SCAF4: variants seen among roughly 807,000 people sequenced by gnomAD.
SCAF4 encodes the protein SR-related CTD associated factor 4, also known as SR-related and CTD-associated factor 4.
A neutral mutation model predicts 129.8 loss-of-function variants in SCAF4; 25 were observed. That is an observed-to-expected ratio of 0.19 (90% CI 0.14 to 0.27). The LOEUF is 0.27. Among genes scored for constraint, SCAF4 ranks in the 10% least tolerant of loss-of-function variants. The pLI is 1.00. For synonymous variants in SCAF4, 551 were observed against 497.7 expected (o/e 1.11, Z -1.43); for missense variants, 1,246 against 1,457.1 (o/e 0.86, Z 2.36).
chr21:31,678,125 G>A (rs2049905407), intron 19 of SCAF4, among the ~76,000 whole-genome samples: 1 of 152,150 alleles, frequency 6.6e-6, no homozygotes, highest in African/African-American at 2.4e-5. Flanking sequence ...GAAGATGCCA[G>A]AATTTGCAGC....
chr21:31,694,543 T>G (rs1284464816), intron 10 of SCAF4, among the ~76,000 whole-genome samples: 3 of 152,196 alleles, frequency 2.0e-5, no homozygotes, highest in Non-Finnish European at 4.4e-5. Context: ...TTAAATTACA[T>G]ACCATTTTAA....
intron 11 of SCAF4, 65 bp from the exon 12 acceptor site, chr21:31,693,549 T>C (rs1218872516): frequency 2.7e-6 from 3 of 1,093,742 alleles, no homozygotes; most frequent in East Asian, 2.8e-5. Flanking sequence ...TATAAGCACA[T>C]ACTAATTAAA....
At chr21:31,702,931 A>G (rs2050569718) in intron 4 of SCAF4, among the ~76,000 whole-genome samples, 1 of 152,180 alleles carries the variant, frequency 6.6e-6, no homozygotes, top group Admixed American at 6.5e-5. Flanking sequence ...TATGACACTG[A>G]AATTTATATG....
chr21:31,684,891 A>AAAACAAAC, intron 19 of SCAF4, 158 bp downstream of exon 19: 1 of 590,640 alleles, frequency 1.7e-6, no homozygotes, highest in Non-Finnish European at 3.0e-6. Flanking sequence ...ATCTTCCTCA[A>AAAACAAAC]AAACAAACAA....
At chr21:31,725,773 G>T (rs1336587308) in intron 1 of SCAF4, among the ~76,000 whole-genome samples, 2 of 152,132 alleles carry the variant, frequency 1.3e-5, no homozygotes, top group African/African-American at 4.8e-5. Flanking sequence ...GCAACAGACT[G>T]AATGAAAAAG....
At chr21:31,680,131 G>A (rs1298765266) in intron 19 of SCAF4, among the ~76,000 whole-genome samples, 4 of 152,182 alleles carry the variant, frequency 2.6e-5, no homozygotes, top group Admixed American at 2.6e-4. Context: ...ATGTCCCTCA[G>A]AGAGATTTAC....
intron 7 of SCAF4, among the ~76,000 whole-genome samples, chr21:31,699,573 G>C (rs1178331161): frequency 6.7e-6 from 1 of 150,326 alleles, no homozygotes; most frequent in East Asian, 2.0e-4. Context: ...TGTTTAATCA[G>C]TCATCACTCA....
rs1184969576 is a variant in SCAF4, at chr21:31,690,760, A to G, written c.1885+37T>C. On this transcript the variant is annotated intron_variant, in intron 15 of 19. Transcript: ENST00000286835. ...ATTTGTCATATGTACTACCAAGCAA[A>G]TAAGTGAACTGTAAGAGAAATTAAA... The G allele has an allele frequency of 4.4e-6, 7 of 1,583,836 alleles. No homozygotes were observed. In the East Asian group the frequency reaches 1.1e-4, roughly 25 times the overall value.
At chr21:31,688,546 TA>T (rs1380595358) in intron 15 of SCAF4, 82 bp from the exon 16 acceptor site, 2 of 1,182,214 alleles carry the variant, frequency 1.7e-6, no homozygotes, top group Non-Finnish European at 2.4e-6. Flanking sequence ...ATGTTGATTA[TA>T]AAAACCTAGC....
chr21:31,685,599 G>C lies in SCAF4; in HGVS notation c.2178C>G (p.Arg726=). The change falls in exon 17 of 20, where the codon CGC becomes CGG. Residue 726 remains arginine (R), a synonymous_variant. Coordinates refer to ENST00000286835, the MANE Select transcript of SCAF4 (RefSeq NM_020706.2). The part of the protein sequence containing the change: ...PPPPPPPPFL[R]PGFNPMHLPP... ...GTAAATGCATTGGGTTGAATCCTGGGCGCAAAAATGGTGGAGGAGGAGGGG... is the reference window on the plus strand; with the variant it reads ...GTAAATGCATTGGGTTGAATCCTGGCCGCAAAAATGGTGGAGGAGGAGGGG... 1.2e-6 allele frequency: 2 copies of C among 1,614,094 alleles called. No homozygotes were observed. Among genetic ancestry groups the C allele is most frequent in the Non-Finnish European group, 1.7e-6 (2 of 1,180,010 alleles).
intron 1 of SCAF4, among the ~76,000 whole-genome samples, chr21:31,717,834 T>C (rs1202369175): frequency 6.7e-4 from 62 of 93,206 alleles, no homozygotes; most frequent in African/African-American, 2.2e-3. Context: ...GCCATATATA[T>C]ATATATATAC....
rs777226746 is a variant in SCAF4, at chr21:31,671,834, T to A, written c.3009A>T (p.Arg1003Ser). The A allele has an allele frequency of 1.2e-6, 2 of 1,613,950 alleles. No homozygotes were observed. The highest frequency in any genetic ancestry group is 2.7e-5 in the African/African-American group (2 of 74,934). Residue 1003 changes from arginine (R) to serine (S), a missense_variant, in exon 20 of 20, where the codon AGA becomes AGT. Physicochemically the swap from Arg to Ser is moderately radical, Grantham distance 110 (BLOSUM62 -1). Around this residue, in one of 6 missense-constraint regions of SCAF4, gnomAD observed 339 missense variants for 325.0 expected, o/e 1.04. Transcript: ENST00000286835. ...CATTTTCCACCCTATTTCCAAAAGA[T>A]CTTCTTCCAAACCTTTCTTGGTCTC... ...SGRDQERFGRRSFGNRVENDR... is the reference protein window; with the variant it reads ...SGRDQERFGRSSFGNRVENDR...
chr21:31,715,530 C>A (rs945451913), intron 1 of SCAF4, among the ~76,000 whole-genome samples: 4 of 152,160 alleles, frequency 2.6e-5, no homozygotes, highest in African/African-American at 9.7e-5. Flanking sequence ...CATCTGAAAT[C>A]TTCAGGCTGC....
At chr21:31,700,247 ATAT>A (rs1426285467) in intron 7 of SCAF4, among the ~76,000 whole-genome samples, 2 of 150,016 alleles carry the variant, frequency 1.3e-5, no homozygotes, top group African/African-American at 4.9e-5. Flanking sequence ...TAATACCTAT[ATAT>A]TATTAATACA....
chr21:31,712,902 T>C, intron 1 of SCAF4: 1 of 965,526 alleles, frequency 1.0e-6, no homozygotes, highest in Non-Finnish European at 1.2e-6. Context: ...AATGAAAGCA[T>C]CTAAAATAAT....
At position 31,722,018 on chromosome 21, in the gene SCAF4, C is replaced by T. The variant is rs111815774; in HGVS notation, c.30+9645G>A. ...TACAGGCGTGAGCCACCACGCCTGG[C>T]CTGAGCACAGGCAATTCTAAAAAAC... On this transcript the variant is annotated intron_variant, in intron 1 of 19. Coordinates refer to ENST00000286835, the MANE Select transcript of SCAF4 (RefSeq NM_020706.2). Among the ~76,000 whole-genome samples the T allele has an allele frequency of 9.4e-3, 1,429 of 152,230 alleles. 27 individuals carry two copies. Among genetic ancestry groups the T allele is most frequent in the African/African-American group, 0.033 (1,355 of 41,526 alleles).
At chr21:31,706,684 G>C (rs2050671436) in intron 1 of SCAF4, 1 of 288,796 alleles carries the variant, frequency 3.5e-6, no homozygotes, top group Non-Finnish European at 6.5e-6. Flanking sequence ...GCTGAAAAAA[G>C]GCAGCAGAAG....
rs1237113144 is a variant in SCAF4 at position 31,722,343 on chromosome 21, C to T, written c.30+9320G>A. Among the ~76,000 whole-genome samples the T allele has an allele frequency of 1.3e-5, 2 of 152,070 alleles. 1 individual carries two copies. Among genetic ancestry groups the T allele is most frequent in the Non-Finnish European group, 2.9e-5 (2 of 68,030 alleles). On this transcript the variant is annotated intron_variant, in intron 1 of 19. Transcript: ENST00000286835. ...TCAGCATGACTCCAATCCTATTGTA[C>T]CTATATACATTCCTCTGTTTAAATA...
At chr21:31,676,529 C>G (rs1246819164) in intron 19 of SCAF4, among the ~76,000 whole-genome samples, 3 of 152,066 alleles carry the variant, frequency 2.0e-5, no homozygotes, top group African/African-American at 7.2e-5. Context: ...ATGCTGACTG[C>G]TCTCATTTCA....
Sources: allele counts gnomAD v4.1 joint callset (sites outside exome capture counted in the v4.1 genomes callset), GRCh38; gene constraint gnomAD v4.1.1; regional missense constraint gnomAD v4.1.1; transcripts MANE v1.5; gene names NCBI Gene and HGNC (gene_info 2026-07-23, HGNC 2026-07-21).